The following NDUFA8 variants were observed in gnomAD, a reference collection of about 807,000 sequenced individuals.
NDUFA8 encodes NADH dehydrogenase [ubiquinone] 1 alpha subcomplex subunit 8.
A neutral mutation model predicts 20.9 loss-of-function variants in NDUFA8; 16 were observed. That is an observed-to-expected ratio of 0.77 (90% CI 0.52 to 1.16). The LOEUF is 1.16. Among genes scored for constraint, NDUFA8 ranks in the 50% most tolerant of loss-of-function variants. The pLI, the probability that NDUFA8 is intolerant of heterozygous loss-of-function variation, is 0.00. For synonymous variants in NDUFA8, 70 were observed against 76.1 expected, an observed-to-expected ratio of 0.92 and a Z score of 0.41; for missense variants, 202 against 216.4, an observed-to-expected ratio of 0.93 and a Z score of 0.42.
downstream of NDUFA8, among the ~76,000 whole-genome samples, chr9:122,141,236 AG>A (rs1828815614): frequency 6.6e-6 from 1 of 152,194 alleles, no homozygotes; most frequent in African/African-American, 2.4e-5. Flanking sequence ...TCAGAATGCC[AG>A]TAAGGATTTG....
chr9:122,151,701 A>C (rs1258558983), intron 2 of NDUFA8, among the ~76,000 whole-genome samples: 1 of 152,250 alleles, frequency 6.6e-6, no homozygotes, highest in East Asian at 1.9e-4. Flanking sequence ...TACAAGAGCC[A>C]ATTTCCTTTG....
chr9:122,139,050 A>G, the NDUFA8 span, among the ~76,000 whole-genome samples: 2 of 152,170 alleles, frequency 1.3e-5, no homozygotes, highest in African/African-American at 4.8e-5. Flanking sequence ...AGAGACACCT[A>G]TGGCAGGAAA....
chr9:122,159,543 T>A, intron 1 of NDUFA8, 84 bp downstream of exon 1: 1 of 1,545,650 alleles, frequency 6.5e-7, no homozygotes, highest in Non-Finnish European at 8.9e-7. Flanking sequence ...GGTCCCAGGA[T>A]CCGCGGAGCC....
intron 3 of NDUFA8, among the ~76,000 whole-genome samples, chr9:122,146,944 G>A (rs931636791): frequency 6.6e-6 from 1 of 152,212 alleles, no homozygotes; most frequent in Non-Finnish European, 1.5e-5. Flanking sequence ...AACAGAGGGA[G>A]CTGAGGCTGA....
At chr9:122,135,485 G>A in the NDUFA8 span, among the ~76,000 whole-genome samples, 1 of 152,170 alleles carries the variant, frequency 6.6e-6, no homozygotes, top group Non-Finnish European at 1.5e-5. Context: ...ATTCTCTCCT[G>A]TCTCTCCTCA....
At chr9:122,157,513 T>A (rs1363764418) in intron 1 of NDUFA8, among the ~76,000 whole-genome samples, 1 of 152,252 alleles carries the variant, frequency 6.6e-6, no homozygotes, top group Non-Finnish European at 1.5e-5. Flanking sequence ...TTTATGTAAT[T>A]ATTCGTATGT....
At chr9:122,149,627 A>G (rs1828960725) in intron 2 of NDUFA8, among the ~76,000 whole-genome samples, 1 of 152,238 alleles carries the variant, frequency 6.6e-6, no homozygotes, top group South Asian at 2.1e-4. Context: ...CCACTGGACC[A>G]TGGAAAAAAT....
the NDUFA8 span, among the ~76,000 whole-genome samples, chr9:122,135,361 T>C: frequency 6.6e-6 from 1 of 152,206 alleles, no homozygotes; most frequent in Non-Finnish European, 1.5e-5. Context: ...GTGAAGTGTG[T>C]TTCTCAAGTC....
chr9:122,142,151 A>G (rs1396558426), downstream of NDUFA8, among the ~76,000 whole-genome samples: 1 of 152,144 alleles, frequency 6.6e-6, no homozygotes, highest in Non-Finnish European at 1.5e-5. Context: ...AGCACCAAGA[A>G]ACAGCTTATT....
At chr9:122,157,694 A>G (rs12156510) in intron 1 of NDUFA8, among the ~76,000 whole-genome samples, 57,278 of 147,018 alleles carry the variant, frequency 0.39, 13,529 homozygotes, top group African/African-American at 0.68. Flanking sequence ...GCCGGGGGGA[A>G]CAAAAGAGTG....
At chr9:122,156,202 A>T (rs1289896572) in intron 1 of NDUFA8, among the ~76,000 whole-genome samples, 1 of 152,182 alleles carries the variant, frequency 6.6e-6, no homozygotes, top group Non-Finnish European at 1.5e-5. Flanking sequence ...ATTCATTCAG[A>T]TCTCTTTGTC....
chr9:122,141,560 T>A (rs1050648460), downstream of NDUFA8, among the ~76,000 whole-genome samples: 46 of 152,170 alleles, frequency 3.0e-4, no homozygotes, highest in African/African-American at 1.0e-3. Flanking sequence ...CACCATTAAC[T>A]CAGATAGGGA....
chr9:122,143,973 C>G, downstream of NDUFA8: 1 of 992,506 alleles, frequency 1.0e-6, no homozygotes, highest in East Asian at 4.1e-5. Context: ...GCAAGAGGAA[C>G]AGGCAGGACC....
intron 3 of NDUFA8, 43 bp downstream of exon 3, chr9:122,148,069 C>T (rs752342262): frequency 3.0e-5 from 49 of 1,612,572 alleles, no homozygotes; most frequent in South Asian, 7.7e-5. Context: ...CTTTATCCCA[C>T]CCCTGAATCA....
intron 3 of NDUFA8, 92 bp from the exon 4 acceptor site, chr9:122,144,470 T>TC: frequency 9.2e-6 from 11 of 1,190,322 alleles, no homozygotes; most frequent in Non-Finnish European, 6.3e-6. Context: ...TCCTCATTGC[T>TC]CCCGCTGCTA....
chr9:122,133,906 C>CCAT, the NDUFA8 span, among the ~76,000 whole-genome samples: 2 of 152,202 alleles, frequency 1.3e-5, no homozygotes, highest in Non-Finnish European at 2.9e-5. Flanking sequence ...TGGTCCTACC[C>CCAT]CATCCCTCCC....
the NDUFA8 span, among the ~76,000 whole-genome samples, chr9:122,135,316 T>C: frequency 3.9e-5 from 6 of 152,220 alleles, no homozygotes; most frequent in Non-Finnish European, 8.8e-5. Context: ...GTTGTTATTC[T>C]CATTTCTCAA....
Position 122,147,616 on chromosome 9 carries a change from A to ATT in NDUFA8, c.381+495_381+496insAA, listed in dbSNP as rs1564408372. 3.8e-3 allele frequency among the ~76,000 whole-genome samples: 402 copies of ATT among 106,008 alleles called. 3 individuals carry two copies. Among genetic ancestry groups the ATT allele is most frequent in the African/African-American group, 0.017 (393 of 22,704 alleles). The allele number at this position is 106,008 out of a possible 152,430, so 69.5% of individuals were successfully genotyped here. On this transcript the variant is annotated intron_variant, in intron 3 of 3. Coordinates refer to ENST00000373768, the MANE Select transcript of NDUFA8 (RefSeq NM_014222.3). ...CTGCACATGCTAGAAGGCCTAAAGA[A>ATT]ATTTTTTTTTTTTTTTTTTTTTTTG...
chr9:122,146,371 A>G (rs1009316879), intron 3 of NDUFA8, among the ~76,000 whole-genome samples: 7 of 152,232 alleles, frequency 4.6e-5, no homozygotes, highest in Admixed American at 4.6e-4. Context: ...TCTTACTAGC[A>G]TGACTTGTTA....
Sources: allele counts gnomAD v4.1 joint callset (sites outside exome capture counted in the v4.1 genomes callset), GRCh38; gene constraint gnomAD v4.1.1; transcripts MANE v1.5; gene names NCBI Gene and HGNC (gene_info 2026-07-23, HGNC 2026-07-21).